Variants in RFX3 observed in about 807,000 individuals in gnomAD.
RFX3 encodes transcription factor RFX3.
In RFX3, 14 loss-of-function variants were observed where a neutral mutation model predicts 98.6. The ratio of observed to expected loss-of-function variants is 0.14; its 90% CI spans 0.09 to 0.22. The LOEUF is 0.22. RFX3 is among the 10% of genes least tolerant of loss of function. The pLI is 1.00. For missense variants in RFX3, 639 were observed against 926.9 expected, an observed-to-expected ratio of 0.69 and a Z score of 4.03; for synonymous variants, 383 against 328.4, an observed-to-expected ratio of 1.17 and a Z score of -1.80.
intron 4 of RFX3, among the ~76,000 whole-genome samples, chr9:3,312,629 C>G (rs1281142727): frequency 6.6e-6 from 1 of 151,588 alleles, no homozygotes; most frequent in Non-Finnish European, 1.5e-5. Context: ...ATAGGAACAG[C>G]TCCAGTCTGC....
rs556221300 is a variant in RFX3, at chr9:3,456,930, T to C, written c.-8-61334A>G. Among the ~76,000 whole-genome samples, 18 of 151,546 alleles carry C rather than the reference T, an allele frequency of 1.2e-4. No homozygotes were observed. In the South Asian group the frequency reaches 3.5e-3, roughly 30 times the overall value. Reference sequence around the variant, plus strand: ...CTGGGAGGCTGAGGCGGGTGGATCATGAGGTCAAGAGATCGAGACCATCCT... The same window carrying C: ...CTGGGAGGCTGAGGCGGGTGGATCACGAGGTCAAGAGATCGAGACCATCCT... On this transcript the variant is annotated intron_variant, in intron 1 of 16. Transcript: ENST00000617270.
chr9:3,265,162 G>A (rs1823455359), intron 12 of RFX3, among the ~76,000 whole-genome samples: 1 of 152,116 alleles, frequency 6.6e-6, no homozygotes, highest in African/African-American at 2.4e-5. Flanking sequence ...AGCCAGAGGA[G>A]GCTACTGAGC....
chr9:3,467,271 CATACATATAT>C (rs1016975789), intron 1 of RFX3, among the ~76,000 whole-genome samples: 4 of 143,542 alleles, frequency 2.8e-5, no homozygotes, highest in East Asian at 2.0e-4. Flanking sequence ...TATGTACATA[CATACATATAT>C]ATACATATAT....
intron 13 of RFX3, 21 bp from the exon 14 acceptor site, chr9:3,257,220 G>A: frequency 3.7e-6 from 6 of 1,606,348 alleles, no homozygotes; most frequent in Non-Finnish European, 5.1e-6. Context: ...AACACAGAAA[G>A]AAAAGGAAAA....
chr9:3,407,357 A>T (rs1309042596), intron 1 of RFX3, among the ~76,000 whole-genome samples: 11 of 152,182 alleles, frequency 7.2e-5, no homozygotes, highest in Admixed American at 6.5e-4. Flanking sequence ...ATCCTGATGT[A>T]GGTACTATTA....
chr9:3,411,973 C>G (rs770847488), intron 1 of RFX3, among the ~76,000 whole-genome samples: 4 of 152,122 alleles, frequency 2.6e-5, no homozygotes, highest in African/African-American at 7.2e-5. Flanking sequence ...GACAACTACT[C>G]GTAACATTAT....
chr9:3,486,987 A>G (rs557366777), intron 1 of RFX3, among the ~76,000 whole-genome samples: 1 of 152,116 alleles, frequency 6.6e-6, no homozygotes, highest in Admixed American at 6.6e-5. Context: ...AGAAACTATT[A>G]CCATTACTCA....
chr9:3,412,971 TTA>T (rs1192187300), intron 1 of RFX3, among the ~76,000 whole-genome samples: 2 of 152,122 alleles, frequency 1.3e-5, no homozygotes, highest in African/African-American at 4.8e-5. Flanking sequence ...CTAATATGTT[TTA>T]TATTGAGTCT....
At chr9:3,441,628 A>G (rs1564105187) in intron 1 of RFX3, among the ~76,000 whole-genome samples, 1 of 152,182 alleles carries the variant, frequency 6.6e-6, no homozygotes. Context: ...AGAGCTCTCA[A>G]TGGCCAAAGC....
intron 2 of RFX3, among the ~76,000 whole-genome samples, chr9:3,373,962 C>T (rs1040860202): frequency 2.0e-5 from 3 of 152,038 alleles, no homozygotes; most frequent in Non-Finnish European, 1.5e-5. Flanking sequence ...CCTGTAGTCC[C>T]AGCTACTCGG....
chr9:3,241,343 A>C (rs889121410), intron 15 of RFX3, among the ~76,000 whole-genome samples: 7 of 151,772 alleles, frequency 4.6e-5, no homozygotes, highest in Non-Finnish European at 1.0e-4. Flanking sequence ...TTTTTAGGGT[A>C]CCTATTGCAT....
chr9:3,312,723 T>C (rs1429857477), intron 4 of RFX3, among the ~76,000 whole-genome samples: 1 of 152,324 alleles, frequency 6.6e-6, no homozygotes, highest in Non-Finnish European at 1.5e-5. Context: ...TTATATCTCA[T>C]GCCTGGCTCA....
chr9:3,285,892 T>G (rs957693698), intron 7 of RFX3, among the ~76,000 whole-genome samples: 1 of 151,772 alleles, frequency 6.6e-6, no homozygotes, highest in African/African-American at 2.4e-5. Context: ...CTAATCTTTA[T>G]AGAATCTGTT....
rs553238709 is a variant in RFX3, at chr9:3,435,364, C to T, written c.-8-39768G>A. On this transcript the variant is annotated intron_variant, in intron 1 of 16. Transcript: ENST00000617270. Reference sequence around the variant, plus strand: ...AAAATATTTTCTTTATATCCTTATTCCGTAATCTTTTTGTATATTTAGTTT... The same window carrying T: ...AAAATATTTTCTTTATATCCTTATTTCGTAATCTTTTTGTATATTTAGTTT... Among the ~76,000 whole-genome samples, 23 of 148,132 alleles carry T rather than the reference C, an allele frequency of 1.6e-4. No homozygotes were observed. In the South Asian group the frequency reaches 4.6e-3, roughly 30 times the overall value.
intron 1 of RFX3, among the ~76,000 whole-genome samples, chr9:3,429,270 T>C (rs1046636159): frequency 2.0e-5 from 3 of 150,934 alleles, no homozygotes; most frequent in Admixed American, 6.6e-5. Context: ...GATCCGCCCG[T>C]CTCGGCCTCC....
At chr9:3,247,893 T>C (rs1281704841) in intron 15 of RFX3, 139 bp downstream of exon 15, 3 of 1,609,854 alleles carry the variant, frequency 1.9e-6, no homozygotes, top group Non-Finnish European at 2.5e-6. Flanking sequence ...ACTCTTGCAA[T>C]AACTCCACAG....
chr9:3,435,563 A>C (rs1845049936), intron 1 of RFX3, among the ~76,000 whole-genome samples: 1 of 151,950 alleles, frequency 6.6e-6, no homozygotes, highest in Admixed American at 6.6e-5. Flanking sequence ...CTGAAACCTC[A>C]TTATGCAGTT....
At chr9:3,489,018 A>G (rs1183811188) in intron 1 of RFX3, 3 of 371,262 alleles carry the variant, frequency 8.1e-6, no homozygotes, top group African/African-American at 6.6e-5. Flanking sequence ...TTTAGAACTT[A>G]GAAATTAAAG....
intron 4 of RFX3, among the ~76,000 whole-genome samples, chr9:3,309,656 G>A (rs766094684): frequency 2.0e-5 from 3 of 151,972 alleles, no homozygotes; most frequent in Non-Finnish European, 4.4e-5. Context: ...TCAAAGAAGG[G>A]ATCAATATTA....
Sources: allele counts gnomAD v4.1 joint callset (sites outside exome capture counted in the v4.1 genomes callset), GRCh38; gene constraint gnomAD v4.1.1; transcripts MANE v1.5; gene names NCBI Gene and HGNC (gene_info 2026-07-23, HGNC 2026-07-21).